Variants in TCF7L2 observed in about 807,000 individuals in gnomAD.
TCF7L2 encodes the protein transcription factor 7 like 2.
In TCF7L2, 23 loss-of-function variants were observed where a neutral mutation model predicts 77.9. The observed-to-expected ratio is 0.30, with a 90% CI of 0.21 to 0.42. The LOEUF is 0.42. Ranked by LOEUF, TCF7L2 falls within the 10% of genes least tolerant of loss-of-function variation. The pLI, the probability that TCF7L2 is intolerant of heterozygous loss-of-function variation, is 1.00. For missense variants in TCF7L2, 654 were observed against 793.1 expected (o/e 0.82, Z 2.11); for synonymous variants, 413 against 340.2 (o/e 1.21, Z -2.36).
intron 5 of TCF7L2, among the ~76,000 whole-genome samples, chr10:113,069,519 C>G (rs118065351): frequency 2.0e-5 from 3 of 152,124 alleles, no homozygotes; most frequent in Admixed American, 2.0e-4. Context: ...CGTGAGCTGC[C>G]GTGCCCAGCC....
rs34423877 is a variant in TCF7L2 at position 113,074,824 on chromosome 10, TG to T, written c.552+34699del. Among the ~76,000 whole-genome samples, 144 of 152,256 alleles carry T rather than the reference TG, an allele frequency of 9.5e-4. 1 individual carries two copies. Among genetic ancestry groups the T allele is most frequent in the African/African-American group, 3.4e-3 (140 of 41,554 alleles). On this transcript the variant is annotated intron_variant, in intron 5 of 13. Coordinates refer to ENST00000627217, the MANE Select transcript of TCF7L2 (RefSeq NM_001146274.2). ...GGAGACATCTGGATACAGTGTTGGTTGTAACAGCTGGGCAGGGGGTACTTCT... is the reference window on the plus strand; with the variant it reads ...GGAGACATCTGGATACAGTGTTGGTTTAACAGCTGGGCAGGGGGTACTTCT...
chr10:113,054,930 T>A (rs1203233189), intron 5 of TCF7L2, among the ~76,000 whole-genome samples: 6 of 152,208 alleles, frequency 3.9e-5, no homozygotes, highest in African/African-American at 1.4e-4. Flanking sequence ...TTTTCAACAT[T>A]GTACATTGAA....
intron 5 of TCF7L2, among the ~76,000 whole-genome samples, chr10:113,102,387 A>C (rs1458027767): frequency 6.6e-6 from 1 of 151,700 alleles, no homozygotes; most frequent in African/African-American, 2.4e-5. Flanking sequence ...ACATACATGG[A>C]AACTGGCAAA....
intron 4 of TCF7L2, among the ~76,000 whole-genome samples, chr10:113,012,694 C>T (rs995757271): frequency 6.6e-6 from 1 of 152,200 alleles, no homozygotes; most frequent in African/African-American, 2.4e-5. Context: ...TTGTCATTTA[C>T]ATACAAGCAC....
chr10:113,157,530 T>C (rs759856066), intron 11 of TCF7L2, among the ~76,000 whole-genome samples: 32 of 152,242 alleles, frequency 2.1e-4, no homozygotes, highest in Non-Finnish European at 3.5e-4. Context: ...TTTCATTCTC[T>C]TGATTCAGAG....
intron 13 of TCF7L2, chr10:113,161,560 T>C: frequency 6.5e-7 from 1 of 1,536,144 alleles, no homozygotes; most frequent in Non-Finnish European, 8.7e-7. Flanking sequence ...GTGTTGTTTC[T>C]TTGTTCTGAT....
chr10:113,050,742 G>C (rs2054280038), intron 5 of TCF7L2, among the ~76,000 whole-genome samples: 1 of 152,160 alleles, frequency 6.6e-6, no homozygotes, highest in Non-Finnish European at 1.5e-5. Context: ...ATTGTCAAAG[G>C]CTGAATAAGT....
intron 4 of TCF7L2, among the ~76,000 whole-genome samples, chr10:112,969,352 G>A (rs767428184): frequency 6.6e-6 from 1 of 152,218 alleles, no homozygotes; most frequent in African/African-American, 2.4e-5. Flanking sequence ...GTATTCCACT[G>A]ATGAATATGC....
intron 5 of TCF7L2, among the ~76,000 whole-genome samples, chr10:113,079,538 C>T (rs912336304): frequency 5.9e-5 from 9 of 152,184 alleles, no homozygotes; most frequent in Non-Finnish European, 1.2e-4. Flanking sequence ...ATGTGTTTCA[C>T]TTTACAAAGT....
At chr10:113,088,124 G>C (rs1220934747) in intron 5 of TCF7L2, among the ~76,000 whole-genome samples, 1 of 151,902 alleles carries the variant, frequency 6.6e-6, no homozygotes, top group Non-Finnish European at 1.5e-5. Flanking sequence ...GAACATAAAG[G>C]GCATAGCTAT....
At chr10:113,033,478 A>G (rs7086857) in intron 4 of TCF7L2, among the ~76,000 whole-genome samples, 80,784 of 151,586 alleles carry the variant, frequency 0.53, 24,262 homozygotes, top group African/African-American at 0.81. Context: ...GAACTCCTGG[A>G]CTCAAGCAAT....
chr10:112,998,608 G>C (rs573166875), intron 4 of TCF7L2, among the ~76,000 whole-genome samples: 1 of 152,102 alleles, frequency 6.6e-6, no homozygotes, highest in Non-Finnish European at 1.5e-5. Flanking sequence ...TTTAATTGCC[G>C]TATGAGGCAC....
At chr10:112,981,447 G>T (rs1269031884) in intron 4 of TCF7L2, among the ~76,000 whole-genome samples, 2 of 152,106 alleles carry the variant, frequency 1.3e-5, no homozygotes, top group African/African-American at 4.8e-5. Flanking sequence ...TGTCATTTTA[G>T]GATCGTTTAG....
intron 5 of TCF7L2, among the ~76,000 whole-genome samples, chr10:113,125,381 CT>C (rs1008407511): frequency 5.3e-5 from 8 of 151,622 alleles, no homozygotes; most frequent in Non-Finnish European, 1.2e-4. Flanking sequence ...TACCTCTTTT[CT>C]TTTTTTTCCC....
At chr10:112,986,338 C>CACTT (rs2041543902) in intron 4 of TCF7L2, among the ~76,000 whole-genome samples, 1 of 152,080 alleles carries the variant, frequency 6.6e-6, no homozygotes, top group South Asian at 2.1e-4. Flanking sequence ...GCTTGGCACC[C>CACTT]ACTTACCCAA....
chr10:113,135,653 A>T (rs2067287087), intron 5 of TCF7L2, among the ~76,000 whole-genome samples: 1 of 152,216 alleles, frequency 6.6e-6, no homozygotes, highest in Admixed American at 6.5e-5. Context: ...TGCTGGGCCG[A>T]GATACTGCAT....
chr10:113,165,952 G>C lies in TCF7L2; in HGVS notation c.1789G>C (p.Val597Leu), dbSNP rs752060378. The change falls in exon 14 of 14, where the codon GTC (valine) becomes CTC (leucine). Residue 597 changes from valine (V) to leucine (L), a missense_variant. Val to Leu is a conservative substitution (Grantham distance 32). Coordinates refer to ENST00000627217, the MANE Select transcript of TCF7L2 (RefSeq NM_001146274.2). ...GACCCAGCCCCAGCCGCTGTCGCTC[G>C]TCACCAAGTCTTTAGAATAGCTTTA... 1.3e-6 allele frequency: 2 copies of C among 1,532,594 alleles called. No individual in the cohort carries two copies. Among genetic ancestry groups the C allele is most frequent in the African/African-American group, 1.4e-5 (1 of 72,066 alleles). 94.9% of individuals were successfully genotyped at this position (1,532,594 alleles called of 1,614,324 possible).
intron 4 of TCF7L2, among the ~76,000 whole-genome samples, chr10:112,980,548 C>A (rs752100048): frequency 8.6e-5 from 13 of 151,968 alleles, no homozygotes; most frequent in Non-Finnish European, 1.8e-4. Context: ...CCCTTAAAAT[C>A]AAAAACAAAC....
intron 10 of TCF7L2, 107 bp from the exon 11 acceptor site, chr10:113,152,226 A>G: frequency 9.5e-7 from 1 of 1,057,870 alleles, no homozygotes; most frequent in Non-Finnish European, 1.5e-6. Context: ...GGACTCACCC[A>G]AAAAGGCAGC....
Sources: allele counts gnomAD v4.1 joint callset (sites outside exome capture counted in the v4.1 genomes callset), GRCh38; gene constraint gnomAD v4.1.1; transcripts MANE v1.5; gene names NCBI Gene and HGNC (gene_info 2026-07-23, HGNC 2026-07-21).